PALLD: variants seen among roughly 807,000 people sequenced by gnomAD.
The protein encoded by PALLD is palladin.
In PALLD, 61 loss-of-function variants were observed where a neutral mutation model predicts 123.5. The ratio of observed to expected loss-of-function variants is 0.49; its 90% confidence interval spans 0.40 to 0.61. The LOEUF is 0.61. Among genes scored for constraint, PALLD ranks in the 20% least tolerant of loss-of-function variants. The pLI is 0.00. For missense variants in PALLD, 1,273 were observed against 1,377.0 expected, an observed-to-expected ratio of 0.92 and a Z score of 1.20; for synonymous variants, 465 against 496.4, an observed-to-expected ratio of 0.94 and a Z score of 0.84.
intron 13 of PALLD, among the ~76,000 whole-genome samples, chr4:168,897,605 C>A (rs1328252518): frequency 2.0e-5 from 3 of 152,014 alleles, no homozygotes; most frequent in African/African-American, 7.2e-5. Context: ...TACCACCATG[C>A]CCAGCTACTG....
chr4:168,649,121 T>C (rs1029887961), intron 2 of PALLD, among the ~76,000 whole-genome samples: 4 of 152,228 alleles, frequency 2.6e-5, no homozygotes, highest in African/African-American at 9.6e-5. Flanking sequence ...ATTGCTTGGT[T>C]GTTAAGGAAG....
chr4:168,621,878 G>A (rs930575728), intron 2 of PALLD, among the ~76,000 whole-genome samples: 15 of 152,050 alleles, frequency 9.9e-5, no homozygotes, highest in Non-Finnish European at 1.9e-4. Context: ...TAAATCTACC[G>A]TAAAAGTCCT....
At chr4:168,917,366 C>CTTG (rs762043800) in intron 17 of PALLD, among the ~76,000 whole-genome samples, 1 of 152,056 alleles carries the variant, frequency 6.6e-6, no homozygotes, top group Non-Finnish European at 1.5e-5. Context: ...GGCTTTTTAA[C>CTTG]CCAAGGTCCT....
chr4:168,617,262 G>T (rs1774319059), intron 2 of PALLD, among the ~76,000 whole-genome samples: 1 of 152,110 alleles, frequency 6.6e-6, no homozygotes, highest in Admixed American at 6.5e-5. Context: ...TTGGTGTTTT[G>T]TTTTCAGTTG....
intron 2 of PALLD, among the ~76,000 whole-genome samples, chr4:168,559,896 AAGAG>A: frequency 6.6e-6 from 1 of 152,078 alleles, no homozygotes; most frequent in Non-Finnish European, 1.5e-5. Context: ...AAAAGAAAGA[AAGAG>A]AGAGAGAAAA....
chr4:168,724,686 CAT>C (rs78367521), intron 10 of PALLD, among the ~76,000 whole-genome samples: 5,683 of 151,732 alleles, frequency 0.037, 184 homozygotes, highest in East Asian at 0.091. Flanking sequence ...TGAACACACA[CAT>C]CTTTGCTTCA....
At chr4:168,653,516 T>C (rs1300847166) in intron 2 of PALLD, among the ~76,000 whole-genome samples, 1 of 152,244 alleles carries the variant, frequency 6.6e-6, no homozygotes, top group African/African-American at 2.4e-5. Context: ...GTCCTCCTTA[T>C]GACAGACAGT....
At chr4:168,645,462 A>G (rs17542087) in intron 2 of PALLD, among the ~76,000 whole-genome samples, 8,629 of 152,222 alleles carry the variant, frequency 0.057, 359 homozygotes, top group Non-Finnish European at 0.086. Context: ...GGCAATATCA[A>G]GTAGTGGTTA....
chr4:168,805,597 C>G (rs991870013), intron 10 of PALLD, among the ~76,000 whole-genome samples: 1 of 152,102 alleles, frequency 6.6e-6, no homozygotes, highest in Non-Finnish European at 1.5e-5. Context: ...TGTGTTTCCA[C>G]CAGTTGGAAT....
chr4:168,881,484 C>T (rs180812809), intron 10 of PALLD, among the ~76,000 whole-genome samples: 54 of 146,734 alleles, frequency 3.7e-4, no homozygotes, highest in Non-Finnish European at 2.4e-4. Flanking sequence ...TTCCCCAGAC[C>T]GCAGTCAACC....
At chr4:168,892,884 A>G (rs564422661) in intron 11 of PALLD, among the ~76,000 whole-genome samples, 1 of 152,316 alleles carries the variant, frequency 6.6e-6, no homozygotes, top group Non-Finnish European at 1.5e-5. Context: ...CATTCACAGT[A>G]AGTTCCACAG....
intron 10 of PALLD, among the ~76,000 whole-genome samples, chr4:168,814,370 T>C (rs1228341111): frequency 6.6e-6 from 1 of 152,184 alleles, no homozygotes; most frequent in Non-Finnish European, 1.5e-5. Flanking sequence ...ATGTATCAAA[T>C]ATATCTACCA....
intron 10 of PALLD, among the ~76,000 whole-genome samples, chr4:168,850,597 C>T (rs571660461): frequency 2.6e-5 from 3 of 114,486 alleles, no homozygotes; most frequent in South Asian, 3.1e-4. Context: ...TGCAATGGTG[C>T]GATCTTGGCT....
At chr4:168,763,290 C>T (rs1162408450) in intron 10 of PALLD, among the ~76,000 whole-genome samples, 3 of 152,144 alleles carry the variant, frequency 2.0e-5, no homozygotes, top group African/African-American at 7.2e-5. Flanking sequence ...AATTTAGACC[C>T]AATCTTCAGA....
In PALLD at chr4:168,711,753, C is replaced by G; in HGVS notation, c.1794C>G (p.Ala598=). The change falls in exon 10 of 22, where the codon GCC becomes GCG. Residue 598 remains alanine (A), a synonymous_variant. Transcript: ENST00000505667. ...CTGAGTTAGGCCTGAGCAGGGCAGCCCTTCAAATGCAATTCAATGCTGCTG... is the reference window on the plus strand; with the variant it reads ...CTGAGTTAGGCCTGAGCAGGGCAGCGCTTCAAATGCAATTCAATGCTGCTG... The part of the protein sequence containing the change: ...NNPELGLSRA[A]LQMQFNAAER... 1.2e-6 allele frequency: 2 copies of G among 1,614,128 alleles called. No individual in the cohort carries two copies. Among genetic ancestry groups the G allele is most frequent in the Admixed American group, 3.3e-5 (2 of 60,014 alleles).
At chr4:168,543,276 G>A (rs1765817877) in intron 2 of PALLD, among the ~76,000 whole-genome samples, 1 of 151,638 alleles carries the variant, frequency 6.6e-6, no homozygotes, top group African/African-American at 2.4e-5. Flanking sequence ...AAAGTAATTA[G>A]GATAACACAT....
intron 10 of PALLD, chr4:168,878,466 A>G (rs1039397750): frequency 8.5e-7 from 1 of 1,176,788 alleles, no homozygotes; most frequent in Non-Finnish European, 1.1e-6. Context: ...CCACATCTCC[A>G]TACACGCGCT....
At chr4:168,576,853 A>G (rs1769663864) in intron 2 of PALLD, among the ~76,000 whole-genome samples, 1 of 152,152 alleles carries the variant, frequency 6.6e-6, no homozygotes, top group Non-Finnish European at 1.5e-5. Context: ...TCCTACCAAC[A>G]GTGTAAAAGC....
chr4:168,694,503 A>C (rs1782953513), intron 8 of PALLD, among the ~76,000 whole-genome samples: 7 of 136,644 alleles, frequency 5.1e-5, no homozygotes, highest in Admixed American at 7.3e-5. Flanking sequence ...TCTCCATCTC[A>C]CTCCCTCATT....
Sources: gnomAD v4.1 joint callset for allele counts (sites outside exome capture counted in the v4.1 genomes callset) on GRCh38, gnomAD v4.1.1 for gene constraint, MANE v1.5 for transcripts, NCBI Gene and HGNC (gene_info 2026-07-23, HGNC 2026-07-21) for gene names.